HIVEP2: variants seen among roughly 807,000 people sequenced by gnomAD.
HIVEP2 encodes the protein HIVEP zinc finger 2.
A neutral mutation model predicts 180.7 loss-of-function variants in HIVEP2; 14 were observed. The ratio of observed to expected loss-of-function variants is 0.08; its 90% CI spans 0.05 to 0.12. HIVEP2 has a LOEUF of 0.12. Ranked by LOEUF, HIVEP2 falls within the 10% of genes least tolerant of loss-of-function variation. HIVEP2 has a pLI of 1.00. For synonymous variants in HIVEP2, 1,184 were observed against 1,136.4 expected (o/e 1.04, Z -0.84); for missense variants, 2,579 against 3,008.5 (o/e 0.86, Z 3.34).
intron 2 of HIVEP2, among the ~76,000 whole-genome samples, chr6:142,797,679 G>C (rs1219550678): frequency 6.6e-6 from 1 of 152,116 alleles, no homozygotes; most frequent in African/African-American, 2.4e-5. Flanking sequence ...GAATGAGAGA[G>C]AGACCACACT....
intron 1 of HIVEP2, among the ~76,000 whole-genome samples, chr6:142,914,816 C>T (rs1370155278): frequency 6.6e-6 from 1 of 152,136 alleles, no homozygotes; most frequent in Non-Finnish European, 1.5e-5. Context: ...GAGCAGATTC[C>T]TACTTTTTGA....
intron 9 of HIVEP2, among the ~76,000 whole-genome samples, chr6:142,755,695 G>T (rs1420010049): frequency 1.3e-5 from 2 of 152,146 alleles, no homozygotes; most frequent in Non-Finnish European, 2.9e-5. Flanking sequence ...GTCATGAATT[G>T]TCCTCTAAAA....
At position 142,935,474 on chromosome 6, in the gene HIVEP2, G is replaced by A. The variant is rs1044289331; in HGVS notation, c.-641+9625C>T. Among the ~76,000 whole-genome samples the A allele has an allele frequency of 6.6e-5, 10 of 152,214 alleles. 1 individual carries two copies. The highest frequency in any genetic ancestry group is 4.1e-4 in the South Asian group (2 of 4,826). ...TGAGGTGGGAGGATCGTTTGAGCCC[G>A]GTAGTCGGAGGTTGCAGTGGAGGCC... On this transcript the variant is annotated intron_variant, in intron 1 of 9. Coordinates refer to ENST00000367603, the MANE Select transcript of HIVEP2 (RefSeq NM_006734.4).
At chr6:142,776,908 TA>T (rs1006542164) in intron 3 of HIVEP2, among the ~76,000 whole-genome samples, 1 of 152,192 alleles carries the variant, frequency 6.6e-6, no homozygotes, top group African/African-American at 2.4e-5. Context: ...TTAGGAAATT[TA>T]CATCATAGCA....
At position 142,803,548 on chromosome 6, in the gene HIVEP2, C is replaced by CTA. The variant is rs1213875280; in HGVS notation, c.-527-19935_-527-19934dup. Among the ~76,000 whole-genome samples, 483 of 105,844 alleles carry CTA rather than the reference C, an allele frequency of 4.6e-3. 2 individuals are homozygous for CTA. The highest frequency in any genetic ancestry group is 0.013 in the African/African-American group (423 of 31,586). The allele number at this position is 105,844 out of a possible 152,430, so 69.4% of individuals were successfully genotyped here. A position where few individuals can be genotyped will look rare whatever the true frequency, so the allele number is the denominator to read the frequency against. On this transcript the variant is annotated intron_variant, in intron 2 of 9. Transcript: ENST00000367603. ...AACACTGAGGCAAAAAATACCCCAACTATATATATATATAGCATACACACA... is the reference window on the plus strand; with the variant it reads ...AACACTGAGGCAAAAAATACCCCAACTATATATATATATATAGCATACACACA...
At chr6:142,820,607 C>G (rs1777007890) in intron 2 of HIVEP2, among the ~76,000 whole-genome samples, 1 of 152,184 alleles carries the variant, frequency 6.6e-6, no homozygotes, top group African/African-American at 2.4e-5. Flanking sequence ...ATTAGTCAAT[C>G]ACAGACGCTA....
chr6:142,828,163 C>A (rs493985), intron 2 of HIVEP2, among the ~76,000 whole-genome samples: 123,390 of 152,090 alleles, frequency 0.81, 50,547 homozygotes, highest in Non-Finnish European at 0.86. Context: ...TCTGACATAC[C>A]CTAGGCACTC....
At chr6:142,881,439 C>T (rs556920484) in intron 1 of HIVEP2, among the ~76,000 whole-genome samples, 57 of 152,130 alleles carry the variant, frequency 3.7e-4, no homozygotes, top group African/African-American at 1.3e-3. Context: ...CTAGAGCAAC[C>T]AGATTTGAGA....
chr6:142,777,511 G>C (rs1775730602), intron 3 of HIVEP2, among the ~76,000 whole-genome samples: 1 of 151,730 alleles, frequency 6.6e-6, no homozygotes, highest in African/African-American at 2.4e-5. Flanking sequence ...AGCCAGGCGT[G>C]GTGGTGCATG....
At chr6:142,756,517 G>A (rs1775072829) in intron 9 of HIVEP2, among the ~76,000 whole-genome samples, 2 of 152,122 alleles carry the variant, frequency 1.3e-5, no homozygotes, top group South Asian at 4.1e-4. Flanking sequence ...GAGGTTAAGT[G>A]ACTCGCCCAA....
chr6:142,809,581 C>CTGTTTGTTTGTTTGTTTGTT (rs3057566), intron 2 of HIVEP2, among the ~76,000 whole-genome samples: 11 of 150,518 alleles, frequency 7.3e-5, no homozygotes, highest in African/African-American at 2.0e-4. Flanking sequence ...TCTGGGTTTT[C>CTGTTTGTTTGTTTGTTTGTT]TGTTTGTTTG....
intron 2 of HIVEP2, among the ~76,000 whole-genome samples, chr6:142,787,666 G>A (rs1290781850): frequency 6.6e-6 from 1 of 151,790 alleles, no homozygotes; most frequent in African/African-American, 2.4e-5. Context: ...AGAGAAGGCA[G>A]GTACAGGATA....
At chr6:142,762,125 T>C (rs1775258607) in intron 7 of HIVEP2, among the ~76,000 whole-genome samples, 1 of 152,120 alleles carries the variant, frequency 6.6e-6, no homozygotes, top group Non-Finnish European at 1.5e-5. Context: ...TCCATACAAA[T>C]AATTAGCTAA....
intron 2 of HIVEP2, among the ~76,000 whole-genome samples, chr6:142,797,349 C>T (rs1342788085): frequency 6.6e-6 from 1 of 152,076 alleles, no homozygotes; most frequent in African/African-American, 2.4e-5. Context: ...ACAATACTTT[C>T]CTACATGGAA....
chr6:142,752,882 T>C lies in HIVEP2; in HGVS notation c.*225A>G. The C allele has an allele frequency of 6.2e-6, 3 of 482,716 alleles. No individual in the cohort carries two copies. Among genetic ancestry groups the C allele is most frequent in the Non-Finnish European group, 3.7e-6 (1 of 272,598 alleles). The allele number at this position is 482,716 out of a possible 1,614,324, so 29.9% of individuals were successfully genotyped here. On this transcript the variant is annotated 3_prime_UTR_variant, in exon 10 of 10. Coordinates refer to ENST00000367603, the MANE Select transcript of HIVEP2 (RefSeq NM_006734.4). Reference sequence around the variant, plus strand: ...AGAAAAGGCACAAACATCTGTACAATTTTAAAAGTACCAGACCCAATAGGT... The same window carrying C: ...AGAAAAGGCACAAACATCTGTACAACTTTAAAAGTACCAGACCCAATAGGT...
At chr6:142,899,421 T>C (rs774973750) in intron 1 of HIVEP2, among the ~76,000 whole-genome samples, 2 of 152,190 alleles carry the variant, frequency 1.3e-5, no homozygotes, top group Non-Finnish European at 2.9e-5. Flanking sequence ...GTATTGCAGT[T>C]TTTTTACAGA....
At chr6:142,828,901 T>C (rs573254312) in intron 2 of HIVEP2, among the ~76,000 whole-genome samples, 15 of 152,312 alleles carry the variant, frequency 9.8e-5, no homozygotes, top group Non-Finnish European at 2.1e-4. Context: ...TGCTTCCTGT[T>C]TCCCACCTTT....
intron 1 of HIVEP2, among the ~76,000 whole-genome samples, chr6:142,894,094 T>C (rs1434889275): frequency 6.6e-6 from 1 of 152,220 alleles, no homozygotes; most frequent in Non-Finnish European, 1.5e-5. Flanking sequence ...TTAAGTCTAT[T>C]GCTTATAGTT....
At position 142,753,505 on chromosome 6, in the gene HIVEP2, G is replaced by A. The variant is rs377077303; in HGVS notation, c.6943C>T (p.Leu2315=). ...TCCTGTTCCCGCTCTGTTGCGTTTA[G>A]GCTGTCTTCCGAAGTGCTCTGTTTC... is the stretch of plus-strand genomic sequence containing the variant. The part of the protein sequence containing the change: ...LMKQSTSEDS[L]NATEREQEEN... Residue 2315 remains leucine (L), a synonymous_variant, in exon 10 of 10, where the codon CTA becomes TTA. Transcript: ENST00000367603. 2 of 1,614,130 alleles carry A rather than the reference G, an allele frequency of 1.2e-6. No individual in the cohort carries two copies. The highest frequency in any genetic ancestry group is 1.7e-6 in the Non-Finnish European group (2 of 1,180,036).
Sources: gnomAD v4.1 joint callset for allele counts (sites outside exome capture counted in the v4.1 genomes callset) on GRCh38, gnomAD v4.1.1 for gene constraint, MANE v1.5 for transcripts, NCBI Gene and HGNC (gene_info 2026-07-23, HGNC 2026-07-21) for gene names.